Variants in CSMD1 observed in about 807,000 individuals in gnomAD.
CSMD1 encodes CUB and sushi domain-containing protein 1.
A neutral mutation model predicts 417.5 loss-of-function variants in CSMD1; 213 were observed. The ratio of observed to expected loss-of-function variants is 0.51; its 90% CI spans 0.46 to 0.57. The LOEUF (loss-of-function observed/expected upper bound fraction) is 0.57, where lower values mean the gene tolerates loss of function less well. CSMD1 is among the 20% of genes least tolerant of loss of function. The pLI, the probability that CSMD1 is intolerant of heterozygous loss-of-function variation, is 0.00. For missense variants in CSMD1, 6,923 were observed against 4,529.7 expected (o/e 1.53, Z -15.17); for synonymous variants, 2,862 against 1,736.8 (o/e 1.65, Z -16.11).
chr8:4,619,337 C>T (rs556374576), intron 2 of CSMD1, among the ~76,000 whole-genome samples: 1 of 152,180 alleles, frequency 6.6e-6, no homozygotes, highest in South Asian at 2.1e-4. Context: ...TTTTAATTAA[C>T]AAAGGGAATG....
intron 3 of CSMD1, among the ~76,000 whole-genome samples, chr8:4,171,049 T>A (rs1424787873): frequency 1.3e-5 from 2 of 151,836 alleles, no homozygotes; most frequent in African/African-American, 4.9e-5. Flanking sequence ...GATCTCTCCA[T>A]CCTCATCTGT....
At chr8:3,749,553 T>A (rs924606252) in intron 6 of CSMD1, among the ~76,000 whole-genome samples, 1 of 152,180 alleles carries the variant, frequency 6.6e-6, no homozygotes, top group African/African-American at 2.4e-5. Context: ...AAGAATATTT[T>A]ATGTTGGTTG....
At chr8:3,723,233 CCA>C (rs1802288763) in intron 6 of CSMD1, among the ~76,000 whole-genome samples, 1 of 152,110 alleles carries the variant, frequency 6.6e-6, no homozygotes, top group Non-Finnish European at 1.5e-5. Context: ...GCCTTGTGAC[CCA>C]TCCATCAACA....
chr8:3,936,993 G>A (rs1210847879), intron 5 of CSMD1, among the ~76,000 whole-genome samples: 2 of 152,146 alleles, frequency 1.3e-5, no homozygotes, highest in Admixed American at 1.3e-4. Context: ...CAATCCTCGT[G>A]AATGACTTTG....
chr8:4,082,162 G>T (rs960177757), intron 3 of CSMD1, among the ~76,000 whole-genome samples: 1 of 152,056 alleles, frequency 6.6e-6, no homozygotes, highest in African/African-American at 2.4e-5. Flanking sequence ...TAGATCCTAA[G>T]GACATTAAAG....
chr8:3,355,329 G>A (rs1175744901), intron 21 of CSMD1, among the ~76,000 whole-genome samples: 1 of 152,058 alleles, frequency 6.6e-6, no homozygotes, highest in Admixed American at 6.6e-5. Context: ...TTAGGTTATG[G>A]AATTATAGCA....
At chr8:4,282,032 T>G (rs1049102413) in intron 3 of CSMD1, among the ~76,000 whole-genome samples, 1 of 152,226 alleles carries the variant, frequency 6.6e-6, no homozygotes, top group Non-Finnish European at 1.5e-5. Context: ...GATTAGCCTT[T>G]GTTATAAACA....
intron 5 of CSMD1, among the ~76,000 whole-genome samples, chr8:3,947,469 A>C (rs1423190828): frequency 5.9e-5 from 9 of 152,146 alleles, no homozygotes; most frequent in African/African-American, 1.9e-4. Flanking sequence ...CGTTTCATCC[A>C]GTTTAATTTT....
chr8:3,230,356 G>C (rs1585725018), intron 26 of CSMD1, 125 bp from the exon 27 acceptor site: 1 of 596,462 alleles, frequency 1.7e-6, no homozygotes, highest in East Asian at 3.1e-5. Flanking sequence ...GTCTACACAT[G>C]AACATACGAA....
intron 3 of CSMD1, among the ~76,000 whole-genome samples, chr8:4,076,548 C>G (rs899579780): frequency 6.6e-6 from 1 of 152,110 alleles, no homozygotes; most frequent in East Asian, 1.9e-4. Flanking sequence ...ACCTAAAACA[C>G]AAATAGCTAA....
intron 3 of CSMD1, among the ~76,000 whole-genome samples, chr8:4,367,312 G>C (rs543190858): frequency 3.9e-5 from 6 of 152,104 alleles, no homozygotes; most frequent in Non-Finnish European, 7.4e-5. Flanking sequence ...TTTTTAAATA[G>C]GGAGTCCTTT....
At chr8:3,973,348 A>T (rs1201911692) in intron 5 of CSMD1, among the ~76,000 whole-genome samples, 3 of 152,190 alleles carry the variant, frequency 2.0e-5, no homozygotes, top group Non-Finnish European at 1.5e-5. Context: ...TGCTAGATAG[A>T]AGATTTTCAA....
chr8:4,489,117 G>A (rs1287479362), intron 2 of CSMD1, among the ~76,000 whole-genome samples: 2 of 151,986 alleles, frequency 1.3e-5, no homozygotes, highest in Non-Finnish European at 2.9e-5. Flanking sequence ...TCACCATGTC[G>A]GCCAGGCTGG....
chr8:3,608,271 C>T (rs1002544848), intron 8 of CSMD1, among the ~76,000 whole-genome samples: 2 of 151,752 alleles, frequency 1.3e-5, no homozygotes, highest in Admixed American at 1.3e-4. Flanking sequence ...GATATTGCAG[C>T]TCATGCAGAA....
intron 3 of CSMD1, among the ~76,000 whole-genome samples, chr8:4,217,739 A>G (rs1453992069): frequency 1.3e-5 from 2 of 152,128 alleles, no homozygotes; most frequent in African/African-American, 2.4e-5. Flanking sequence ...TCTATACTCT[A>G]CGGTGTTATA....
At chr8:3,926,933 C>T (rs1221623726) in intron 5 of CSMD1, among the ~76,000 whole-genome samples, 1 of 151,684 alleles carries the variant, frequency 6.6e-6, no homozygotes, top group Admixed American at 6.6e-5. Context: ...CCAGGATGGT[C>T]TCAAACTCCT....
chr8:4,525,566 C>T (rs868565124), intron 2 of CSMD1, among the ~76,000 whole-genome samples: 2 of 152,118 alleles, frequency 1.3e-5, no homozygotes, highest in African/African-American at 2.4e-5. Context: ...AATGATTGCA[C>T]ATAAGAAATT....
chr8:4,197,175 A>G (rs1472972846), intron 3 of CSMD1, among the ~76,000 whole-genome samples: 1 of 152,158 alleles, frequency 6.6e-6, no homozygotes, highest in Non-Finnish European at 1.5e-5. Context: ...ACGGTCAAAA[A>G]ATGTGTATAA....
At chr8:3,121,884 T>A (rs1817232461) in intron 41 of CSMD1, among the ~76,000 whole-genome samples, 1 of 152,152 alleles carries the variant, frequency 6.6e-6, no homozygotes, top group Admixed American at 6.5e-5. Context: ...ATCAAGTAAT[T>A]TATATGATAA....
Sources: allele counts gnomAD v4.1 joint callset (sites outside exome capture counted in the v4.1 genomes callset), GRCh38; gene constraint gnomAD v4.1.1; transcripts MANE v1.5; gene names NCBI Gene and HGNC (gene_info 2026-07-23, HGNC 2026-07-21).